The following PRKG2 variants were observed in gnomAD, a reference collection of about 807,000 sequenced individuals.
PRKG2 encodes cGMP-dependent protein kinase 2.
A neutral mutation model predicts 97.2 loss-of-function variants in PRKG2; 33 were observed. The observed-to-expected ratio is 0.34, with a 90% CI of 0.26 to 0.45. The LOEUF is 0.45. PRKG2 is among the 20% of genes least tolerant of loss of function. PRKG2 has a pLI of 1.00. For synonymous variants in PRKG2, 330 were observed against 321.8 expected (o/e 1.03, Z -0.27); for missense variants, 638 against 900.0 (o/e 0.71, Z 3.73).
chr4:81,121,230 T>C (rs1230230540), intron 14 of PRKG2, among the ~76,000 whole-genome samples: 2 of 152,174 alleles, frequency 1.3e-5, no homozygotes. Flanking sequence ...TCTATATTCA[T>C]GGGAGATATT....
Position 81,088,162 on chromosome 4 carries a change from G to A in PRKG2, c.*1546C>T, listed in dbSNP as rs1287896386. 6.6e-6 allele frequency: 1 copy of A among 151,988 alleles called. No individual in the cohort carries two copies. Among genetic ancestry groups the A allele is most frequent in the African/African-American group, 2.4e-5 (1 of 41,382 alleles). 9.4% of individuals were successfully genotyped at this position (151,988 alleles called of 1,614,324 possible). ...AGCTCCAGGAAACAAAAACTCTTTGGTTCAGCAAAAGGATTATAAATGTGG... is the reference window on the plus strand; with the variant it reads ...AGCTCCAGGAAACAAAAACTCTTTGATTCAGCAAAAGGATTATAAATGTGG... On this transcript the variant is annotated 3_prime_UTR_variant, in exon 19 of 19. Transcript: ENST00000264399.
At chr4:81,191,842 T>C (rs990668367) in intron 2 of PRKG2, among the ~76,000 whole-genome samples, 3 of 152,198 alleles carry the variant, frequency 2.0e-5, no homozygotes, top group African/African-American at 4.8e-5. Flanking sequence ...CTGAATGCTG[T>C]TGAATGCATG....
intron 13 of PRKG2, among the ~76,000 whole-genome samples, 169 bp downstream of exon 13, chr4:81,137,224 G>A (rs773428980): frequency 6.6e-5 from 10 of 152,144 alleles, no homozygotes; most frequent in Non-Finnish European, 1.5e-4. Context: ...ACCTTACGTG[G>A]TGTTACGGCA....
At chr4:81,115,435 T>C (rs1472126013) in intron 14 of PRKG2, among the ~76,000 whole-genome samples, 8 of 152,210 alleles carry the variant, frequency 5.3e-5, no homozygotes, top group Non-Finnish European at 1.0e-4. Context: ...CAGAAATGTG[T>C]TGTCTATTTT....
At chr4:81,154,971 G>T (rs1198089297) in intron 6 of PRKG2, among the ~76,000 whole-genome samples, 7 of 151,934 alleles carry the variant, frequency 4.6e-5, no homozygotes, top group African/African-American at 4.8e-5. Flanking sequence ...TCAGGAGATC[G>T]AGACCATCCC....
At chr4:81,174,519 C>G (rs1221791696) in intron 3 of PRKG2, among the ~76,000 whole-genome samples, 1 of 151,862 alleles carries the variant, frequency 6.6e-6, no homozygotes, top group Non-Finnish European at 1.5e-5. Context: ...ATAGAACTTG[C>G]CTTACAGGGT....
intron 15 of PRKG2, among the ~76,000 whole-genome samples, chr4:81,107,239 T>G (rs1743437425): frequency 6.6e-6 from 1 of 151,976 alleles, no homozygotes; most frequent in Non-Finnish European, 1.5e-5. Flanking sequence ...AGCAGGAAGG[T>G]AGATTTATGA....
chr4:81,158,611 T>G (rs1179719043), intron 6 of PRKG2, among the ~76,000 whole-genome samples: 3 of 151,974 alleles, frequency 2.0e-5, no homozygotes, highest in Non-Finnish European at 1.5e-5. Flanking sequence ...AAACTTCATA[T>G]GGAACCAAAA....
intron 2 of PRKG2, among the ~76,000 whole-genome samples, chr4:81,183,690 G>T (rs534575979): frequency 4.5e-4 from 68 of 152,210 alleles, no homozygotes; most frequent in Non-Finnish European, 7.1e-4. Context: ...GAGCCAAGCA[G>T]TCTAGCTCAG....
At position 81,156,311 on chromosome 4, in the gene PRKG2, C is replaced by A. The variant is rs1333102327; in HGVS notation, c.913-2590G>T. Among the ~76,000 whole-genome samples, 16 of 151,884 alleles carry A rather than the reference C, an allele frequency of 1.1e-4. 1 individual carries two copies. Among genetic ancestry groups the A allele is most frequent in the Admixed American group, 9.9e-4 (15 of 15,224 alleles). ...TCTGATAAAACAGACTTTAAACCGA[C>A]AAAGATCAAAAGAGACAAAGAAGGC... On this transcript the variant is annotated intron_variant, in intron 6 of 18. Transcript: ENST00000264399.
rs1357219012 is a variant in PRKG2, at chr4:81,126,261, T to C, written c.1776+8894A>G. Among the ~76,000 whole-genome samples, 14 of 152,258 alleles carry C rather than the reference T, an allele frequency of 9.2e-5. 1 individual carries two copies. Among genetic ancestry groups the C allele is most frequent in the Non-Finnish European group, 2.1e-4 (14 of 68,038 alleles). On this transcript the variant is annotated intron_variant, in intron 14 of 18. Coordinates refer to ENST00000264399, the MANE Select transcript of PRKG2 (RefSeq NM_006259.3). ...CATGGTGTATATGTGCCACATTTTCTTTATCTAGTCTATCACTGATGGGCA... is the reference window on the plus strand; with the variant it reads ...CATGGTGTATATGTGCCACATTTTCCTTATCTAGTCTATCACTGATGGGCA...
At chr4:81,136,137 T>C (rs1746671195) in intron 13 of PRKG2, among the ~76,000 whole-genome samples, 1 of 152,158 alleles carries the variant, frequency 6.6e-6, no homozygotes, top group African/African-American at 2.4e-5. Context: ...CATTTGCAGG[T>C]ATCACAAAAG....
intron 16 of PRKG2, among the ~76,000 whole-genome samples, chr4:81,104,714 A>G (rs1743157015): frequency 6.6e-6 from 1 of 152,090 alleles, no homozygotes; most frequent in Non-Finnish European, 1.5e-5. Flanking sequence ...AAGAACAAGC[A>G]GGCACTATCT....
chr4:81,094,461 G>A (rs1440490468), intron 17 of PRKG2, among the ~76,000 whole-genome samples: 1 of 152,114 alleles, frequency 6.6e-6, no homozygotes, highest in Non-Finnish European at 1.5e-5. Flanking sequence ...ACTGAGTAGA[G>A]AAGCTACACA....
At chr4:81,191,823 A>G (rs1209609222) in intron 2 of PRKG2, among the ~76,000 whole-genome samples, 1 of 152,190 alleles carries the variant, frequency 6.6e-6, no homozygotes, top group Non-Finnish European at 1.5e-5. Flanking sequence ...CCAAAATGAA[A>G]AAGACTGACT....
intron 14 of PRKG2, among the ~76,000 whole-genome samples, chr4:81,122,641 C>A (rs1367637609): frequency 6.6e-6 from 1 of 152,052 alleles, no homozygotes; most frequent in Non-Finnish European, 1.5e-5. Context: ...CCTGGTTTTC[C>A]TCTGCTGAAA....
At chr4:81,200,730 G>A (rs978720781) in intron 2 of PRKG2, among the ~76,000 whole-genome samples, 1 of 152,120 alleles carries the variant, frequency 6.6e-6, no homozygotes, top group Non-Finnish European at 1.5e-5. Context: ...CAATCTGTAA[G>A]GTTCCTATGG....
intron 16 of PRKG2, 67 bp downstream of exon 16, chr4:81,105,746 T>C: frequency 6.4e-7 from 1 of 1,567,960 alleles, no homozygotes; most frequent in Non-Finnish European, 8.6e-7. Flanking sequence ...TTTTAAAATG[T>C]GTAGAAACAG....
At chr4:81,204,270 A>AT (rs1753505450) in intron 2 of PRKG2, among the ~76,000 whole-genome samples, 1 of 150,356 alleles carries the variant, frequency 6.7e-6, no homozygotes. Context: ...ATGTGTGTAC[A>AT]TTTTTAAGTT....
Sources: gnomAD v4.1 joint callset for allele counts (sites outside exome capture counted in the v4.1 genomes callset) on GRCh38, gnomAD v4.1.1 for gene constraint, MANE v1.5 for transcripts, NCBI Gene and HGNC (gene_info 2026-07-23, HGNC 2026-07-21) for gene names.